CFAP46: variants seen among roughly 807,000 people sequenced by gnomAD.
CFAP46 encodes cilia- and flagella-associated protein 46.
Under a neutral mutation model 325.7 loss-of-function variants are expected in CFAP46, and 245 were observed. The observed-to-expected ratio is 0.75, with a 90% CI of 0.68 to 0.84. The LOEUF is 0.84. Ranked by LOEUF, CFAP46 falls within the 40% of genes least tolerant of loss-of-function variation. The probability of loss-of-function intolerance (pLI) is 0.00; values close to 1 mark genes in which losing one functional copy is unlikely to be tolerated. For missense variants in CFAP46, 3,346 were observed against 3,543.0 expected, an observed-to-expected ratio of 0.94 and a Z score of 1.41; for synonymous variants, 1,523 against 1,495.9, an observed-to-expected ratio of 1.02 and a Z score of -0.42.
chr10:132,942,362 G>A (rs1850119739), intron 1 of CFAP46, 74 bp downstream of exon 1: 1 of 1,318,142 alleles, frequency 7.6e-7, no homozygotes, highest in Non-Finnish European at 9.8e-7. Context: ...AGGGTCCGGG[G>A]CCTCCCCGGG....
rs985217483 is a variant in CFAP46, at chr10:132,827,226, C to T, written c.7117+6132G>A. On this transcript the variant is annotated intron_variant, in intron 50 of 57. Coordinates refer to ENST00000368586, the MANE Select transcript of CFAP46 (RefSeq NM_001200049.3). The surrounding 1 kb of genome is among the most constrained non-coding windows in gnomAD (Gnocchi z 5.7). Reference sequence around the variant, plus strand: ...TGCTCGTCAGGGGAAGGCAGGAGGGCGGCCGGAGGGACCAGCCACAGTTCC... The same window carrying T: ...TGCTCGTCAGGGGAAGGCAGGAGGGTGGCCGGAGGGACCAGCCACAGTTCC... Among the ~76,000 whole-genome samples the T allele has an allele frequency of 4.6e-5, 7 of 151,854 alleles. No individual in the cohort carries two copies. Among genetic ancestry groups the T allele is most frequent in the South Asian group, 2.1e-4 (1 of 4,818 alleles).
At chr10:132,941,449 G>T in intron 3 of CFAP46, 142 bp downstream of exon 3, 1 of 1,138,650 alleles carries the variant, frequency 8.8e-7, no homozygotes, top group Non-Finnish European at 1.2e-6. Context: ...AGGAAATGGT[G>T]CAAGTTTCGT....
At chr10:132,849,516 C>G (rs1228259781) in intron 41 of CFAP46, among the ~76,000 whole-genome samples, 1 of 152,170 alleles carries the variant, frequency 6.6e-6, no homozygotes, top group Non-Finnish European at 1.5e-5. Flanking sequence ...GGGGGAGGAG[C>G]TGGCATCTGC....
intron 21 of CFAP46, 43 bp downstream of exon 21, chr10:132,909,094 G>A (rs774823171): frequency 1.2e-5 from 17 of 1,436,488 alleles, no homozygotes; most frequent in Middle Eastern, 2.1e-4. Flanking sequence ...CGGCGTCCTC[G>A]CCTCTTGGCC....
At position 132,889,919 on chromosome 10, in the gene CFAP46, T is replaced by C. The variant is rs1426718239; in HGVS notation, c.3304+2414A>G. ...GCTGCCAGACGTGGTGTGAGTATCT[T>C]CCCGTCTGTTCACTTCTTACTGTTC... On this transcript the variant is annotated intron_variant, in intron 25 of 57. Coordinates refer to ENST00000368586, the MANE Select transcript of CFAP46 (RefSeq NM_001200049.3). The surrounding 1 kb of genome is among the most constrained non-coding windows in gnomAD (Gnocchi z 6.0). Among the ~76,000 whole-genome samples, 1 of 152,226 alleles carries C rather than the reference T, an allele frequency of 6.6e-6. No individual in the cohort carries two copies. The highest frequency in any genetic ancestry group is 1.5e-5 in the Non-Finnish European group (1 of 68,036).
In CFAP46 at chr10:132,860,547, C is replaced by T. The variant is rs184146047; in HGVS notation, c.5092-24G>A. 208 of 1,502,226 alleles carry T rather than the reference C, an allele frequency of 1.4e-4. 2 individuals are homozygous for T. The East Asian group carries it at 2.1e-3, about 15-fold the overall frequency. The allele number at this position is 1,502,226 out of a possible 1,614,324, so 93.1% of individuals were successfully genotyped here. On this transcript the variant is annotated intron_variant, in intron 36 of 57. Transcript: ENST00000368586. ...ACCTGAGGACAGGCAGGGGTGGATA[C>T]GGGTGTGTCTGAGGACAGGCAGGCA...
chr10:132,895,912 A>ATGGTGAGAAGG (rs1849311269), intron 24 of CFAP46, among the ~76,000 whole-genome samples: 6 of 139,446 alleles, frequency 4.3e-5, no homozygotes, highest in Admixed American at 7.4e-5. Context: ...ACATGAAGAC[A>ATGGTGAGAAGG]CGGTGAGAAG....
intron 11 of CFAP46, 150 bp from the exon 12 acceptor site, chr10:132,922,858 G>T: frequency 1.5e-6 from 1 of 658,790 alleles, no homozygotes; most frequent in Non-Finnish European, 2.6e-6. Context: ...TCCTTCCAGT[G>T]ATGTCCCTAC....
intron 35 of CFAP46, among the ~76,000 whole-genome samples, chr10:132,863,733 C>A (rs937769727): frequency 6.8e-6 from 1 of 147,882 alleles, no homozygotes; most frequent in Admixed American, 6.7e-5. Context: ...TCACCTGTCC[C>A]CCTTCCTGAG....
chr10:132,908,311 A>ATCTGTGAT, intron 22 of CFAP46, 157 bp downstream of exon 22: 1 of 810,396 alleles, frequency 1.2e-6, no homozygotes. Flanking sequence ...GGGCGCTCAC[A>ATCTGTGAT]CGCGCCCTGA....
intron 50 of CFAP46, among the ~76,000 whole-genome samples, chr10:132,825,550 T>C (rs1848031610): frequency 6.6e-6 from 1 of 152,168 alleles, no homozygotes; most frequent in Admixed American, 6.5e-5. Flanking sequence ...GCTTCTTACA[T>C]GCCGGTCACA....
In CFAP46 at chr10:132,886,997, T is replaced by TCTCTCTCTCTCGC. The variant is rs895387614; in HGVS notation, c.3305-1051_3305-1039dup. On this transcript the variant is annotated intron_variant, in intron 25 of 57. Coordinates refer to ENST00000368586, the MANE Select transcript of CFAP46 (RefSeq NM_001200049.3). This position sits in a 1 kb window ranked among gnomAD's most constrained non-coding sequence, Gnocchi z 5.8. ...AGGATCTGTCTTCTCTCTTTTCTCTTCTCTCTCTCTCGCCTCTCTCTCTGC... is the reference window on the plus strand; with the variant it reads ...AGGATCTGTCTTCTCTCTTTTCTCTTCTCTCTCTCTCGCCTCTCTCTCTCGCCTCTCTCTCTGC... Among the ~76,000 whole-genome samples the TCTCTCTCTCTCGC allele has an allele frequency of 6.6e-6, 1 of 151,560 alleles. No individual in the cohort carries two copies.
chr10:132,891,390 G>A (rs1849251818), intron 25 of CFAP46, among the ~76,000 whole-genome samples: 2 of 152,210 alleles, frequency 1.3e-5, no homozygotes, highest in Non-Finnish European at 2.9e-5. Flanking sequence ...AGGCACAATG[G>A]ACCAGCATCC....
At chr10:132,871,299 G>C (rs1375300243) in intron 32 of CFAP46, among the ~76,000 whole-genome samples, 2 of 152,216 alleles carry the variant, frequency 1.3e-5, no homozygotes, top group East Asian at 3.8e-4. Flanking sequence ...TAACACCACT[G>C]CTAACACTGC....
At chr10:132,810,772 C>T (rs1847564643) in intron 56 of CFAP46, 178 bp downstream of exon 56, 1 of 743,088 alleles carries the variant, frequency 1.3e-6, no homozygotes, top group Non-Finnish European at 2.4e-6. Context: ...GGCTGAGCCG[C>T]CCCCCTCCCC....
At chr10:132,909,868 C>G in intron 20 of CFAP46, 51 bp downstream of exon 20, 1 of 1,365,200 alleles carries the variant, frequency 7.3e-7, no homozygotes, top group Non-Finnish European at 9.4e-7. Flanking sequence ...TCTCAGATCT[C>G]TATGTCCACA....
In CFAP46 at chr10:132,817,336, G is replaced by A. The variant is rs1358926880; in HGVS notation, c.7118-2422C>T. ...TTCCCTTCTCTTGGTTTATCACGTG[G>A]GGGTCATTTGTGACGGGCGTGCTTC... On this transcript the variant is annotated intron_variant, in intron 50 of 57. Coordinates refer to ENST00000368586, the MANE Select transcript of CFAP46 (RefSeq NM_001200049.3). The surrounding 1 kb of genome is among the most constrained non-coding windows in gnomAD (Gnocchi z 4.4). Among the ~76,000 whole-genome samples the A allele has an allele frequency of 1.3e-5, 2 of 152,108 alleles. No homozygotes were observed. The highest frequency in any genetic ancestry group is 4.8e-5 in the African/African-American group (2 of 41,410).
chr10:132,910,940 C>A (rs546743419), intron 19 of CFAP46, among the ~76,000 whole-genome samples: 1 of 152,348 alleles, frequency 6.6e-6, no homozygotes, highest in African/African-American at 2.4e-5. Context: ...ACCGCCCAAG[C>A]CGGCTTCCTC....
In CFAP46 at chr10:132,814,605, C is replaced by G. The variant is rs577893425; in HGVS notation, c.7257G>C (p.Val2419=). ...GGCCCTGGGCCTCCTCGTATGGGTC[C>G]ACGACGACTGGGTCCCGGTCAAGGA... ...IVDSDNFKFV[V]DPYEEAQGPE... is the part of the protein sequence containing the mutation. The change falls in exon 53 of 58, where the codon GTG becomes GTC. Residue 2419 remains valine, a synonymous_variant. Coordinates refer to ENST00000368586, the MANE Select transcript of CFAP46 (RefSeq NM_001200049.3). 2 of 1,574,788 alleles carry G rather than the reference C, an allele frequency of 1.3e-6. No homozygotes were observed. Among genetic ancestry groups the G allele is most frequent in the Non-Finnish European group, 1.7e-6 (2 of 1,160,682 alleles).
Sources: allele counts gnomAD v4.1 joint callset (sites outside exome capture counted in the v4.1 genomes callset), GRCh38; gene constraint gnomAD v4.1.1; non-coding constraint Gnocchi (gnomAD v3.1); transcripts MANE v1.5; gene names NCBI Gene and HGNC (gene_info 2026-07-23, HGNC 2026-07-21).